Variants in PLCE1 observed in about 807,000 individuals in gnomAD.
The protein encoded by PLCE1 is phospholipase C epsilon 1.
Under a neutral mutation model 242.8 loss-of-function variants are expected in PLCE1, and 119 were observed. The ratio of observed to expected loss-of-function variants is 0.49; its 90% CI spans 0.42 to 0.57. The LOEUF is 0.57. Ranked by LOEUF, PLCE1 falls within the 20% of genes least tolerant of loss-of-function variation. PLCE1 has a pLI of 0.00. For missense variants in PLCE1, 2,441 were observed against 2,788.8 expected, an observed-to-expected ratio of 0.88 and a Z score of 2.81; for synonymous variants, 945 against 1,017.4, an observed-to-expected ratio of 0.93 and a Z score of 1.35.
chr10:94,132,587 T>C, intron 3 of PLCE1, 128 bp downstream of exon 3: 1 of 855,866 alleles, frequency 1.2e-6, no homozygotes. Flanking sequence ...AAGTCGCTTC[T>C]TTAAGAGAAT....
intron 2 of PLCE1, among the ~76,000 whole-genome samples, chr10:94,119,919 C>T (rs954752252): frequency 8.5e-5 from 13 of 152,310 alleles, no homozygotes; most frequent in Admixed American, 3.3e-4. Context: ...TAGGCATAGA[C>T]GGCTTATCTT....
intron 1 of PLCE1, among the ~76,000 whole-genome samples, chr10:94,001,629 C>G (rs1388738504): frequency 6.6e-6 from 1 of 152,154 alleles, no homozygotes; most frequent in South Asian, 2.1e-4. Flanking sequence ...CAAGTACATG[C>G]TATACAAATC....
intron 3 of PLCE1, chr10:94,139,516 C>T (rs544668040): frequency 6.5e-6 from 1 of 154,422 alleles, no homozygotes; most frequent in East Asian, 1.9e-4. Flanking sequence ...CAGGCCTTTC[C>T]AGCTCTGGCT....
At chr10:94,212,205 G>A (rs1315605873) in intron 4 of PLCE1, among the ~76,000 whole-genome samples, 1 of 152,122 alleles carries the variant, frequency 6.6e-6, no homozygotes, top group Non-Finnish European at 1.5e-5. Flanking sequence ...TCCTGCCTCA[G>A]CCTCCCAAGT....
At chr10:94,286,355 G>T (rs973375509) in intron 22 of PLCE1, among the ~76,000 whole-genome samples, 4 of 152,164 alleles carry the variant, frequency 2.6e-5, no homozygotes, top group African/African-American at 7.2e-5. Flanking sequence ...GGCAAACTGG[G>T]TGTAGTGGTG....
chr10:94,151,067 A>C (rs2136111426), intron 3 of PLCE1, among the ~76,000 whole-genome samples: 1 of 152,338 alleles, frequency 6.6e-6, no homozygotes, highest in African/African-American at 2.4e-5. Flanking sequence ...ATACCAAATC[A>C]GAAAGAAACT....
chr10:94,255,932 T>A (rs866790080), intron 11 of PLCE1, among the ~76,000 whole-genome samples: 2,868 of 142,988 alleles, frequency 0.02, 29 homozygotes, highest in African/African-American at 0.052. Context: ...TCTCTCTCTC[T>A]CTCTCTCTCT....
intron 4 of PLCE1, among the ~76,000 whole-genome samples, chr10:94,177,751 A>G (rs2048169750): frequency 6.6e-6 from 1 of 152,202 alleles, no homozygotes; most frequent in African/African-American, 2.4e-5. Context: ...CCTAAAATAA[A>G]TTCCCAAGCC....
intron 2 of PLCE1, among the ~76,000 whole-genome samples, chr10:94,035,411 CT>C (rs1417796798): frequency 2.6e-5 from 4 of 152,116 alleles, no homozygotes; most frequent in Non-Finnish European, 1.5e-5. Context: ...CAAACCTGCC[CT>C]TGTTCATCAA....
chr10:94,304,062 ACAC>A (rs1165950085), intron 24 of PLCE1, among the ~76,000 whole-genome samples: 3 of 152,232 alleles, frequency 2.0e-5, no homozygotes, highest in Non-Finnish European at 4.4e-5. Context: ...TGCAAATTCT[ACAC>A]CATCTATATC....
rs201268977 is a variant in PLCE1, at chr10:94,270,452, T to C, written c.4390-34T>C. The C allele has an allele frequency of 2.5e-4, 346 of 1,362,050 alleles. No individual in the cohort carries two copies. The African/African-American group carries it at 2.6e-3, about 10-fold the overall frequency. 84.4% of individuals were successfully genotyped at this position (1,362,050 alleles called of 1,614,324 possible). A position where few individuals can be genotyped will look rare whatever the true frequency, so the allele number is the denominator to read the frequency against. ...TGCCTTCTGACCACCTTGACAGATATCTGGACTCTAATGAGCTGTTTTGGC... is the reference window on the plus strand; with the variant it reads ...TGCCTTCTGACCACCTTGACAGATACCTGGACTCTAATGAGCTGTTTTGGC... On this transcript the variant is annotated intron_variant, in intron 17 of 32. Coordinates refer to ENST00000371380, the MANE Select transcript of PLCE1 (RefSeq NM_016341.4).
intron 4 of PLCE1, among the ~76,000 whole-genome samples, chr10:94,171,934 AAC>A (rs2047993815): frequency 6.6e-6 from 1 of 152,160 alleles, no homozygotes; most frequent in African/African-American, 2.4e-5. Context: ...CCTCAGCAGA[AAC>A]ACCTAGGTCA....
intron 26 of PLCE1, among the ~76,000 whole-genome samples, chr10:94,308,277 T>TAAG (rs1447478467): frequency 6.6e-6 from 1 of 152,244 alleles, no homozygotes. Flanking sequence ...CAGGGACTGT[T>TAAG]AGTCTGTTAG....
At chr10:94,317,582 A>G (rs1290186835) in intron 29 of PLCE1, among the ~76,000 whole-genome samples, 1 of 152,244 alleles carries the variant, frequency 6.6e-6, no homozygotes, top group African/African-American at 2.4e-5. Flanking sequence ...CATACAAAGT[A>G]AGAATAATAT....
At chr10:94,260,001 A>G (rs1313867568) in intron 13 of PLCE1, among the ~76,000 whole-genome samples, 1 of 152,150 alleles carries the variant, frequency 6.6e-6, no homozygotes, top group Non-Finnish European at 1.5e-5. Context: ...ACCTGCCCCC[A>G]TGATTCAACT....
At chr10:94,240,746 G>T (rs1245382017) in intron 7 of PLCE1, among the ~76,000 whole-genome samples, 1 of 152,078 alleles carries the variant, frequency 6.6e-6, no homozygotes. Context: ...TCTGTCTACG[G>T]TTTCTAACTG....
intron 3 of PLCE1, among the ~76,000 whole-genome samples, chr10:94,151,396 G>A (rs17109809): frequency 0.082 from 12,416 of 152,236 alleles, 942 homozygotes; most frequent in African/African-American, 0.2. Flanking sequence ...GCAAATGGAC[G>A]CAAACTTAGC....
rs952676008 is a variant in PLCE1, at chr10:94,167,735, A to G, written c.1493-3445A>G. 2.1e-5 allele frequency among the ~76,000 whole-genome samples: 3 copies of G among 140,504 alleles called. No individual in the cohort carries two copies. In the Admixed American group the frequency reaches 2.3e-4, roughly 11 times the overall value. The allele number at this position is 140,504 out of a possible 152,430, so 92.2% of individuals were successfully genotyped here. A position where few individuals can be genotyped will look rare whatever the true frequency, so the allele number is the denominator to read the frequency against. ...TCAGTTCCCACCTATGAGTGAGAAC[A>G]TGTGGTGTTTGGTTTTTTGTCCTTG... On this transcript the variant is annotated intron_variant, in intron 3 of 32. Transcript: ENST00000371380.
chr10:94,119,066 C>A (rs1015933861), intron 2 of PLCE1, among the ~76,000 whole-genome samples: 1 of 152,330 alleles, frequency 6.6e-6, no homozygotes, highest in Admixed American at 6.5e-5. Flanking sequence ...AGTCCTCGCC[C>A]ACCCTGTGGG....
Sources: gnomAD v4.1 joint callset for allele counts (sites outside exome capture counted in the v4.1 genomes callset) on GRCh38, gnomAD v4.1.1 for gene constraint, MANE v1.5 for transcripts, NCBI Gene and HGNC (gene_info 2026-07-23, HGNC 2026-07-21) for gene names.